Variants in EYS observed in about 807,000 individuals in gnomAD.
EYS encodes the protein EGF-like photoreceptor maintenance factor, also known as protein eyes shut homolog.
Under a neutral mutation model 282.1 loss-of-function variants are expected in EYS, and 250 were observed. The observed-to-expected ratio is 0.89, with a 90% CI of 0.80 to 0.98. The LOEUF is 0.98. Ranked by LOEUF, EYS falls within the 50% of genes least tolerant of loss-of-function variation. The probability of loss-of-function intolerance (pLI) is 0.00; values close to 1 mark genes in which losing one functional copy is unlikely to be tolerated. For synonymous variants in EYS, 1,355 were observed against 1,282.9 expected, an observed-to-expected ratio of 1.06 and a Z score of -1.20; for missense variants, 4,016 against 3,709.0, an observed-to-expected ratio of 1.08 and a Z score of -2.15.
intron 22 of EYS, among the ~76,000 whole-genome samples, chr6:64,641,178 C>T (rs1464639753): frequency 6.6e-6 from 1 of 152,082 alleles, no homozygotes; most frequent in Non-Finnish European, 1.5e-5. Flanking sequence ...CTAGGGTAGC[C>T]TCACAATCAT....
chr6:65,633,512 T>C (rs981106568), intron 2 of EYS, among the ~76,000 whole-genome samples: 1 of 152,250 alleles, frequency 6.6e-6, no homozygotes, highest in African/African-American at 2.4e-5. Flanking sequence ...TTAATGTCTC[T>C]GTTTTATAGA....
intron 28 of EYS, among the ~76,000 whole-genome samples, chr6:64,403,218 T>A (rs183120062): frequency 1.2e-3 from 177 of 152,250 alleles, no homozygotes; most frequent in African/African-American, 4.1e-3. Context: ...TAGGTTAATT[T>A]AGCATACATT....
chr6:64,005,935 T>G (rs189901780), intron 33 of EYS, among the ~76,000 whole-genome samples: 11 of 152,318 alleles, frequency 7.2e-5, no homozygotes, highest in Middle Eastern at 3.4e-3. Flanking sequence ...TTGCTTTGGA[T>G]TGCCGTGGTT....
At chr6:65,517,042 T>C (rs1767162502) in intron 2 of EYS, among the ~76,000 whole-genome samples, 1 of 151,962 alleles carries the variant, frequency 6.6e-6, no homozygotes. Context: ...TCAATGTCTA[T>C]TACATGAACT....
intron 10 of EYS, among the ~76,000 whole-genome samples, chr6:65,341,764 T>C (rs1227161610): frequency 6.6e-6 from 1 of 151,288 alleles, no homozygotes; most frequent in African/African-American, 2.4e-5. Context: ...ATAATCAAAC[T>C]TTGCAATCAT....
At chr6:65,186,247 T>C (rs1267497292) in intron 12 of EYS, among the ~76,000 whole-genome samples, 2 of 151,792 alleles carry the variant, frequency 1.3e-5, no homozygotes, top group Non-Finnish European at 2.9e-5. Context: ...TTAATGTTCT[T>C]TAAGAAAATA....
intron 12 of EYS, among the ~76,000 whole-genome samples, chr6:65,188,768 A>T (rs910188892): frequency 6.7e-6 from 1 of 149,224 alleles, no homozygotes; most frequent in African/African-American, 2.4e-5. Flanking sequence ...TGCATGCAAA[A>T]AAAAAAAAAA....
chr6:63,762,701 C>T, intron 40 of EYS, 68 bp from the exon 41 acceptor site: 2 of 1,370,544 alleles, frequency 1.5e-6, no homozygotes, highest in East Asian at 2.6e-5. Flanking sequence ...TATGTATTGC[C>T]CTGATGCTAA....
chr6:65,319,658 C>T lies in EYS; in HGVS notation c.1766+15322G>A, dbSNP rs372475292. Among the ~76,000 whole-genome samples, 6 of 152,144 alleles carry T rather than the reference C, an allele frequency of 3.9e-5. No homozygotes were observed. In the South Asian group the frequency reaches 1.0e-3, roughly 26 times the overall value. On this transcript the variant is annotated intron_variant, in intron 11 of 42. Coordinates refer to ENST00000503581, the MANE Select transcript of EYS (RefSeq NM_001142800.2). The stretch of plus-strand genomic sequence containing the variant: ...ATTCTCTGAACTAGCACATTGTAGA[C>T]ACTCAATAAGTATTTGTTGAATCAG...
intron 26 of EYS, among the ~76,000 whole-genome samples, chr6:64,508,910 T>C (rs1366131910): frequency 6.6e-6 from 1 of 151,936 alleles, no homozygotes; most frequent in Non-Finnish European, 1.5e-5. Context: ...GCTGCTTATG[T>C]TTATGCTTTT....
At chr6:65,271,151 T>TATATATATATATATATATATATATAC (rs1767892097) in intron 12 of EYS, among the ~76,000 whole-genome samples, 1 of 138,390 alleles carries the variant, frequency 7.2e-6, no homozygotes, top group African/African-American at 2.6e-5. Context: ...TATATATATA[T>TATATATATATATATATATATATATAC]ATGAAGATTT....
chr6:64,590,223 C>T lies in EYS; in HGVS notation c.5644G>A (p.Asp1882Asn), dbSNP rs1766360039. 6 of 1,531,010 alleles carry T rather than the reference C, an allele frequency of 3.9e-6. No homozygotes were observed. Among genetic ancestry groups the T allele is most frequent in the Non-Finnish European group, 5.3e-6 (6 of 1,138,684 alleles). The allele number at this position is 1,531,010 out of a possible 1,614,324, so 94.8% of individuals were successfully genotyped here. A position where few individuals can be genotyped will look rare whatever the true frequency, so the allele number is the denominator to read the frequency against. The change falls in exon 26 of 43, where the codon GAT becomes AAT. Residue 1882 changes from aspartate (D) to asparagine (N), a missense_variant and splice_region_variant. Asp to Asn is a conservative substitution (Grantham distance 23). Coordinates refer to ENST00000503581, the MANE Select transcript of EYS (RefSeq NM_001142800.2). ...ILAPQRLMIS[D>N]FSCVRYYGDS... ...ACTGAACAGAAACTGAGAAACTCAC[C>T]AGAAATCATCAGCCGTTGAGGTGCC...
intron 15 of EYS, among the ~76,000 whole-genome samples, chr6:64,928,694 A>G (rs1209150668): frequency 6.6e-6 from 1 of 152,132 alleles, no homozygotes; most frequent in African/African-American, 2.4e-5. Flanking sequence ...TCTTAGATAT[A>G]GTACTTTTTA....
Position 63,984,587 on chromosome 6 carries a change from A to G in EYS, c.6851T>C (p.Met2284Thr). ...SHASQAYFES[M>T]FLGHIPANVQ... Reference sequence around the variant, plus strand: ...ATTTGCAGGAATATGGCCAAGGAACATTGATTCAAAATATGCCTGTAGAAA... The same window carrying G: ...ATTTGCAGGAATATGGCCAAGGAACGTTGATTCAAAATATGCCTGTAGAAA... The change falls in exon 35 of 43, where the codon ATG becomes ACG. Residue 2284 changes from methionine to threonine, a missense_variant. Physicochemically the swap from Met to Thr is moderately conservative, Grantham distance 81. Transcript: ENST00000503581. 2 of 1,548,724 alleles carry G rather than the reference A, an allele frequency of 1.3e-6. No individual in the cohort carries two copies. Among genetic ancestry groups the G allele is most frequent in the Admixed American group, 2.0e-5 (1 of 50,892 alleles).
At chr6:63,803,501 C>T (rs1028743690) in intron 37 of EYS, among the ~76,000 whole-genome samples, 2 of 152,092 alleles carry the variant, frequency 1.3e-5, no homozygotes, top group African/African-American at 2.4e-5. Flanking sequence ...GCTCCACATC[C>T]TAATGCAGAA....
At position 63,762,344 on chromosome 6, in the gene EYS, A is replaced by T. The variant is rs145560667; in HGVS notation, c.8071+117T>A. The stretch of plus-strand genomic sequence containing the variant: ...GTCAAATATACTAGAAAAAGAGGAC[A>T]GTGGATTTGAATTTTATTATATGTA... On this transcript the variant is annotated intron_variant, in intron 41 of 42. Transcript: ENST00000503581. 6.9e-4 allele frequency: 628 copies of T among 909,448 alleles called. 4 individuals are homozygous for T. In the African/African-American group the frequency reaches 9.8e-3, roughly 14 times the overall value. The allele number at this position is 909,448 out of a possible 1,614,324, so 56.3% of individuals were successfully genotyped here. A position where few individuals can be genotyped will look rare whatever the true frequency, so the allele number is the denominator to read the frequency against.
intron 26 of EYS, among the ~76,000 whole-genome samples, chr6:64,506,659 TCCCAG>T (rs1777216318): frequency 6.6e-6 from 1 of 152,096 alleles, no homozygotes; most frequent in Non-Finnish European, 1.5e-5. Context: ...ACGCATGCAA[TCCCAG>T]CACGTTGGGA....
intron 28 of EYS, among the ~76,000 whole-genome samples, chr6:64,407,042 C>G (rs1008565546): frequency 3.9e-5 from 6 of 152,142 alleles, no homozygotes. Flanking sequence ...ACACTTGGAA[C>G]CAACCCAAAT....
chr6:65,061,353 A>G (rs1773568811), intron 12 of EYS, among the ~76,000 whole-genome samples: 1 of 151,978 alleles, frequency 6.6e-6, no homozygotes, highest in African/African-American at 2.4e-5. Flanking sequence ...TTAAACAATC[A>G]AGCATTCTAC....
Sources: allele counts gnomAD v4.1 joint callset (sites outside exome capture counted in the v4.1 genomes callset), GRCh38; gene constraint gnomAD v4.1.1; transcripts MANE v1.5; gene names NCBI Gene and HGNC (gene_info 2026-07-23, HGNC 2026-07-21).